Variants in ABCC4 observed in about 807,000 individuals in gnomAD.
ABCC4 encodes ATP binding cassette subfamily C member 4 (PEL blood group), also known as ATP-binding cassette sub-family C member 4.
Under a neutral mutation model 168.5 loss-of-function variants are expected in ABCC4, and 102 were observed. That is an observed-to-expected ratio of 0.61 (90% CI 0.52 to 0.71). ABCC4 has a LOEUF of 0.71. ABCC4 is among the 30% of genes least tolerant of loss of function. The pLI is 0.00. For synonymous variants in ABCC4, 617 were observed against 590.7 expected (o/e 1.04, Z -0.65); for missense variants, 1,402 against 1,605.8 (o/e 0.87, Z 2.17).
chr13:95,258,035 T>C (rs1229009641), intron 1 of ABCC4, among the ~76,000 whole-genome samples: 1 of 152,070 alleles, frequency 6.6e-6, no homozygotes, highest in African/African-American at 2.4e-5. Flanking sequence ...TCCAGGTGCA[T>C]TTGTCCCAAC....
chr13:95,022,773 T>C (rs1244337005), intron 30 of ABCC4, among the ~76,000 whole-genome samples: 2 of 152,214 alleles, frequency 1.3e-5, no homozygotes, highest in Non-Finnish European at 1.5e-5. Flanking sequence ...CTGGAGATAA[T>C]GGGATTCACG....
chr13:95,049,666 T>A (rs61967175), intron 27 of ABCC4, among the ~76,000 whole-genome samples: 23,741 of 144,110 alleles, frequency 0.16, 2,170 homozygotes, highest in African/African-American at 0.25. Flanking sequence ...TAAATAAAAA[T>A]AAATAAATAA....
intron 19 of ABCC4, among the ~76,000 whole-genome samples, chr13:95,116,818 T>C (rs545837099): frequency 9.2e-5 from 14 of 152,328 alleles, no homozygotes; most frequent in Admixed American, 5.2e-4. Context: ...ACACATAGCC[T>C]ACGTGGATGC....
intron 30 of ABCC4, among the ~76,000 whole-genome samples, chr13:95,027,861 T>C (rs1478961543): frequency 1.3e-5 from 2 of 152,090 alleles, no homozygotes; most frequent in African/African-American, 4.8e-5. Flanking sequence ...TAAATGTAAA[T>C]GTACTAAAAT....
intron 1 of ABCC4, among the ~76,000 whole-genome samples, chr13:95,274,606 TC>T (rs1488710283): frequency 6.6e-6 from 1 of 152,134 alleles, no homozygotes; most frequent in Non-Finnish European, 1.5e-5. Context: ...GGCTCTCCCC[TC>T]ACTCCTGCCC....
chr13:95,202,267 TGCCCTGCA>T (rs2038648007), intron 8 of ABCC4, among the ~76,000 whole-genome samples: 1 of 152,242 alleles, frequency 6.6e-6, no homozygotes, highest in Admixed American at 6.5e-5. Flanking sequence ...GCCTGCCAGC[TGCCCTGCA>T]GATTGCAGAC....
Position 95,074,955 on chromosome 13 carries a change from C to T in ABCC4, c.2806+477G>A, listed in dbSNP as rs146402844. 686 of 154,040 alleles carry T rather than the reference C, an allele frequency of 4.5e-3. 5 individuals are homozygous for T. The highest frequency in any genetic ancestry group is 0.014 in the Middle Eastern group (4 of 294). The allele number at this position is 154,040 out of a possible 1,614,324, so 9.5% of individuals were successfully genotyped here. ...TCTGAAATTTCCATATTGAAAAAAT[C>T]TTCACTGATGCAAGGGGTCAGCAAA... On this transcript the variant is annotated intron_variant, in intron 22 of 30. Transcript: ENST00000645237.
At chr13:95,278,320 T>C (rs1047963883) in intron 1 of ABCC4, among the ~76,000 whole-genome samples, 4 of 152,162 alleles carry the variant, frequency 2.6e-5, no homozygotes, top group African/African-American at 9.7e-5. Context: ...CATGGTCATA[T>C]CATCTAACCT....
chr13:95,086,970 G>A (rs906931788), intron 20 of ABCC4, among the ~76,000 whole-genome samples: 5 of 152,124 alleles, frequency 3.3e-5, no homozygotes, highest in African/African-American at 1.2e-4. Flanking sequence ...TGTGTTCTAA[G>A]CTGTGATAAG....
intron 1 of ABCC4, among the ~76,000 whole-genome samples, 165 bp from the exon 2 acceptor site, chr13:95,247,918 G>GCGCACACACACACACACACACACACACA (rs145006616): frequency 5.6e-5 from 8 of 142,656 alleles, no homozygotes; most frequent in African/African-American, 1.9e-4. Flanking sequence ...GTTAACATGT[G>GCGCACACACACACACACACACACACACA]CACACACACA....
At chr13:95,267,350 GT>G (rs1009879310) in intron 1 of ABCC4, among the ~76,000 whole-genome samples, 41 of 152,198 alleles carry the variant, frequency 2.7e-4, no homozygotes, top group African/African-American at 9.9e-4. Context: ...CCCTACACAA[GT>G]TCTCTTGTCT....
chr13:95,247,209 A>G lies in ABCC4; in HGVS notation c.186-114T>C, dbSNP rs866423299. 3 of 1,216,158 alleles carry G rather than the reference A, an allele frequency of 2.5e-6. No individual in the cohort carries two copies. In the African/African-American group the frequency reaches 4.5e-5, roughly 18 times the overall value. The allele number at this position is 1,216,158 out of a possible 1,614,324, so 75.3% of individuals were successfully genotyped here. A position where few individuals can be genotyped will look rare whatever the true frequency, so the allele number is the denominator to read the frequency against. ...AGACAGGGCATTTTGTGACGATTTC[A>G]TAAATGCTACTAATTGCTCCCAGGG... On this transcript the variant is annotated intron_variant, in intron 2 of 30. Transcript: ENST00000645237.
At chr13:95,072,276 C>G (rs755959032) in intron 24 of ABCC4, among the ~76,000 whole-genome samples, 4 of 152,174 alleles carry the variant, frequency 2.6e-5, no homozygotes, top group Non-Finnish European at 5.9e-5. Context: ...GCCTGGTCAA[C>G]ATGGTGAAAC....
intron 1 of ABCC4, among the ~76,000 whole-genome samples, chr13:95,253,872 T>C (rs1210333459): frequency 6.6e-6 from 1 of 152,102 alleles, no homozygotes; most frequent in Non-Finnish European, 1.5e-5. Context: ...AATACTCTCA[T>C]GCAAATTTTT....
intron 19 of ABCC4, among the ~76,000 whole-genome samples, chr13:95,154,814 G>A (rs553126697): frequency 9.0e-4 from 137 of 152,300 alleles, no homozygotes; most frequent in African/African-American, 3.2e-3. Context: ...TATTATTGTA[G>A]AGGTAATTTT....
chr13:95,165,627 C>G (rs1220562499), intron 15 of ABCC4, among the ~76,000 whole-genome samples: 1 of 152,166 alleles, frequency 6.6e-6, no homozygotes, highest in Non-Finnish European at 1.5e-5. Flanking sequence ...TGCTGTGTGT[C>G]AGGAACTGTT....
chr13:95,054,259 C>G (rs2032971513), intron 26 of ABCC4, among the ~76,000 whole-genome samples: 1 of 151,948 alleles, frequency 6.6e-6, no homozygotes, highest in Non-Finnish European at 1.5e-5. Flanking sequence ...AAAATTACAT[C>G]AATTTAAATA....
At chr13:95,248,125 G>A (rs1442602492) in intron 1 of ABCC4, among the ~76,000 whole-genome samples, 8 of 152,164 alleles carry the variant, frequency 5.3e-5, no homozygotes, top group African/African-American at 1.9e-4. Flanking sequence ...CATACGATAA[G>A]GAAACATTCA....
At chr13:95,041,811 G>T (rs1381119282) in intron 29 of ABCC4, among the ~76,000 whole-genome samples, 1 of 152,208 alleles carries the variant, frequency 6.6e-6, no homozygotes, top group East Asian at 1.9e-4. Context: ...GATGCTTTCA[G>T]CTAGGGGTTG....
Sources: allele counts gnomAD v4.1 joint callset (sites outside exome capture counted in the v4.1 genomes callset), GRCh38; gene constraint gnomAD v4.1.1; transcripts MANE v1.5; gene names NCBI Gene and HGNC (gene_info 2026-07-23, HGNC 2026-07-21).